Variants in NTM observed in about 807,000 individuals in gnomAD.
The protein encoded by NTM is IgLON family member 2.
In NTM, 13 loss-of-function variants were observed where a neutral mutation model predicts 42.1. The observed-to-expected ratio is 0.31, with a 90% CI of 0.20 to 0.49. NTM has a LOEUF of 0.49. Ranked by LOEUF, NTM falls within the 20% of genes least tolerant of loss-of-function variation. The pLI, the probability that NTM is intolerant of heterozygous loss-of-function variation, is 0.99. For missense variants in NTM, 373 were observed against 452.8 expected, an observed-to-expected ratio of 0.82 and a Z score of 1.60; for synonymous variants, 187 against 179.2, an observed-to-expected ratio of 1.04 and a Z score of -0.35.
At chr11:131,417,848 T>C (rs528782385) in intron 1 of NTM, among the ~76,000 whole-genome samples, 1 of 152,286 alleles carries the variant, frequency 6.6e-6, no homozygotes, top group South Asian at 2.1e-4. Context: ...TGCTAGAAAG[T>C]TGTATTTTAT....
rs1324259204 is a variant in NTM, at chr11:131,750,847, C to A, written c.83-160717C>A. Among the ~76,000 whole-genome samples the A allele has an allele frequency of 4.6e-5, 7 of 152,254 alleles. 1 individual carries two copies. The highest frequency in any genetic ancestry group is 3.3e-4 in the Admixed American group (5 of 15,300). On this transcript the variant is annotated intron_variant, in intron 1 of 8. Transcript: ENST00000683400. ...GATCCAATCCTAAGCGCTTCCCAGG[C>A]CTTGTGGAGCTCTGTGGTGTCCGGG...
At chr11:131,540,218 G>A (rs887549766) in intron 1 of NTM, among the ~76,000 whole-genome samples, 3 of 139,004 alleles carry the variant, frequency 2.2e-5, no homozygotes, top group Non-Finnish European at 4.5e-5. Context: ...AGGAAGGAGT[G>A]CAGTGGCATA....
At chr11:131,790,553 C>G (rs1437942712) in intron 1 of NTM, among the ~76,000 whole-genome samples, 3 of 152,126 alleles carry the variant, frequency 2.0e-5, no homozygotes, top group African/African-American at 7.2e-5. Flanking sequence ...TGTATTCAGC[C>G]CCTTCTAGGC....
rs138695799 is a variant in NTM at position 132,330,732 on chromosome 11, G to C, written c.967+547G>C. Among the ~76,000 whole-genome samples, 8 of 152,244 alleles carry C rather than the reference G, an allele frequency of 5.3e-5. No homozygotes were observed. The South Asian group carries it at 1.7e-3, about 32-fold the overall frequency. On this transcript the variant is annotated intron_variant, in intron 8 of 8. Coordinates refer to ENST00000683400, the MANE Select transcript of NTM (RefSeq NM_001352005.2). ...CGATGGATAATTGACACTCATCACCGTTCTCTGGGACCCTAACTGTCCTGG... is the reference window on the plus strand; with the variant it reads ...CGATGGATAATTGACACTCATCACCCTTCTCTGGGACCCTAACTGTCCTGG...
At chr11:132,107,093 C>T (rs555030725) in intron 2 of NTM, among the ~76,000 whole-genome samples, 27 of 152,222 alleles carry the variant, frequency 1.8e-4, no homozygotes, top group Non-Finnish European at 3.5e-4. Flanking sequence ...ATTAGCCAGG[C>T]ACTGTATTAG....
chr11:132,106,869 C>T (rs546393398), intron 2 of NTM, among the ~76,000 whole-genome samples: 1 of 152,186 alleles, frequency 6.6e-6, no homozygotes, highest in East Asian at 1.9e-4. Context: ...TGTTTAATTC[C>T]CTGAGCGTGA....
At chr11:132,171,148 T>G (rs965712743) in intron 3 of NTM, among the ~76,000 whole-genome samples, 14 of 152,192 alleles carry the variant, frequency 9.2e-5, no homozygotes, top group African/African-American at 3.1e-4. Flanking sequence ...TGTCTTCACT[T>G]ATCTCTTCAG....
intron 1 of NTM, among the ~76,000 whole-genome samples, chr11:131,820,128 G>A (rs1010385640): frequency 1.3e-5 from 2 of 152,210 alleles, no homozygotes; most frequent in African/African-American, 4.8e-5. Context: ...ATAAGCGGCT[G>A]CTTGGGCGCA....
intron 2 of NTM, among the ~76,000 whole-genome samples, chr11:132,120,331 A>C (rs1473456045): frequency 6.6e-6 from 1 of 152,148 alleles, no homozygotes; most frequent in African/African-American, 2.4e-5. Context: ...GAGTTGGTAG[A>C]CTTAGAAATT....
chr11:131,490,448 T>A (rs1342354694), intron 1 of NTM, among the ~76,000 whole-genome samples: 2 of 152,240 alleles, frequency 1.3e-5, no homozygotes, highest in Non-Finnish European at 2.9e-5. Context: ...TCCTTGCTCA[T>A]GATTTTGCAA....
intron 3 of NTM, among the ~76,000 whole-genome samples, chr11:132,198,783 G>C (rs1294365875): frequency 6.6e-6 from 1 of 152,190 alleles, no homozygotes; most frequent in Non-Finnish European, 1.5e-5. Context: ...AAGATAAGTG[G>C]GGAAGGAGGA....
At chr11:132,077,028 A>G (rs2058456946) in intron 2 of NTM, among the ~76,000 whole-genome samples, 1 of 152,228 alleles carries the variant, frequency 6.6e-6, no homozygotes, top group East Asian at 1.9e-4. Flanking sequence ...TGACAAGTTG[A>G]AACTGCTTTC....
At chr11:131,721,612 T>G (rs2135401635) in intron 1 of NTM, among the ~76,000 whole-genome samples, 1 of 152,210 alleles carries the variant, frequency 6.6e-6, no homozygotes, top group East Asian at 1.9e-4. Context: ...TTTGGTCAAG[T>G]TACTTAACTT....
At chr11:132,149,800 G>A (rs937347242) in intron 3 of NTM, among the ~76,000 whole-genome samples, 2 of 152,160 alleles carry the variant, frequency 1.3e-5, no homozygotes, top group Admixed American at 1.3e-4. Context: ...GGGGAAGGCG[G>A]CAGAAAGGAG....
chr11:131,454,105 T>A (rs1195390157), intron 1 of NTM, among the ~76,000 whole-genome samples: 1 of 152,222 alleles, frequency 6.6e-6, no homozygotes, highest in Non-Finnish European at 1.5e-5. Context: ...CAGTTTTATT[T>A]TCCATAGTTT....
chr11:132,148,006 T>C (rs545248204), intron 3 of NTM, among the ~76,000 whole-genome samples: 1 of 152,290 alleles, frequency 6.6e-6, no homozygotes, highest in African/African-American at 2.4e-5. Flanking sequence ...AAGGTGATGC[T>C]GGACCTGGCT....
chr11:132,179,221 G>A (rs1182922605), intron 3 of NTM, among the ~76,000 whole-genome samples: 1 of 152,162 alleles, frequency 6.6e-6, no homozygotes, highest in Non-Finnish European at 1.5e-5. Flanking sequence ...GGAGCTTGAG[G>A]AAGGCTCCTA....
intron 1 of NTM, among the ~76,000 whole-genome samples, chr11:131,498,862 G>A (rs1955629759): frequency 6.6e-6 from 1 of 152,190 alleles, no homozygotes; most frequent in African/African-American, 2.4e-5. Context: ...TAAGCAGGAG[G>A]ATGCCAGCTC....
intron 2 of NTM, among the ~76,000 whole-genome samples, chr11:131,990,461 C>T (rs1204276736): frequency 6.6e-6 from 1 of 151,954 alleles, no homozygotes; most frequent in Non-Finnish European, 1.5e-5. Context: ...TCATGATTTT[C>T]AGCATTAAGA....
Sources: gnomAD v4.1 joint callset for allele counts (sites outside exome capture counted in the v4.1 genomes callset) on GRCh38, gnomAD v4.1.1 for gene constraint, MANE v1.5 for transcripts, NCBI Gene and HGNC (gene_info 2026-07-23, HGNC 2026-07-21) for gene names.